The following SPNS3 variants were observed in gnomAD, a reference collection of about 807,000 sequenced individuals.
The protein encoded by SPNS3 is protein spinster homolog 3.
SPNS3 carries 51 observed loss-of-function variants against 54.4 expected under a neutral mutation model. That is an observed-to-expected ratio of 0.94 (90% CI 0.75 to 1.18). SPNS3 has a LOEUF of 1.18. Among genes scored for constraint, SPNS3 ranks in the 50% most tolerant of loss-of-function variants. The pLI, the probability that SPNS3 is intolerant of heterozygous loss-of-function variation, is 0.00. For synonymous variants in SPNS3, 309 were observed against 294.7 expected (o/e 1.05, Z -0.50); for missense variants, 669 against 677.4 (o/e 0.99, Z 0.14).
At chr17:4,449,823 G>A (rs1156970942) in intron 7 of SPNS3, among the ~76,000 whole-genome samples, 2 of 152,074 alleles carry the variant, frequency 1.3e-5, no homozygotes, top group East Asian at 3.9e-4. Flanking sequence ...GCTGGTTTTG[G>A]GATTTCACGT....
At chr17:4,434,505 T>TTATTTA (rs1014637932) in intron 1 of SPNS3, among the ~76,000 whole-genome samples, 1 of 151,132 alleles carries the variant, frequency 6.6e-6, no homozygotes, top group African/African-American at 2.4e-5. Flanking sequence ...ATTTATTTAT[T>TTATTTA]TTTTTTTTTG....
rs546830551 is a variant in SPNS3, at chr17:4,446,121, C to T, written c.476C>T (p.Thr159Ile). The T allele has an allele frequency of 6.2e-7, 1 of 1,613,648 alleles. No homozygotes were observed. Among genetic ancestry groups the T allele is most frequent in the African/African-American group, 1.3e-5 (1 of 75,036 alleles). ...GCCAGCTACTCCACCATCGCGCCCA[C>T]CGTCCTGGGCGACCTCTTCGTGAGG... ...GSASYSTIAP[T>I]VLGDLFVRDQ... The change falls in exon 4 of 12, where the codon ACC becomes ATC. Residue 159 changes from threonine (T) to isoleucine (I), a missense_variant. Thr to Ile is a moderately conservative substitution (Grantham distance 89). Transcript: ENST00000355530.
chr17:4,435,811 A>C (rs990277138), intron 1 of SPNS3, among the ~76,000 whole-genome samples: 3 of 152,160 alleles, frequency 2.0e-5, no homozygotes, highest in Admixed American at 2.0e-4. Flanking sequence ...TCACGCCTGT[A>C]ATCCCAGCTA....
intron 8 of SPNS3, among the ~76,000 whole-genome samples, chr17:4,475,413 T>C (rs1447652764): frequency 6.6e-6 from 1 of 152,106 alleles, no homozygotes; most frequent in Admixed American, 6.5e-5. Flanking sequence ...CCAGCGGCCA[T>C]GGGCAGGAGG....
In SPNS3 at chr17:4,458,566, C is replaced by T. The variant is rs539474733; in HGVS notation, c.1113+5361C>T. Among the ~76,000 whole-genome samples the T allele has an allele frequency of 1.1e-4, 8 of 75,940 alleles. 1 individual carries two copies. The highest frequency in any genetic ancestry group is 5.8e-4 in the Admixed American group (3 of 5,186). 49.8% of individuals were successfully genotyped at this position (75,940 alleles called of 152,430 possible). A position where few individuals can be genotyped will look rare whatever the true frequency, so the allele number is the denominator to read the frequency against. On this transcript the variant is annotated intron_variant, in intron 8 of 11. Coordinates refer to ENST00000355530, the MANE Select transcript of SPNS3 (RefSeq NM_182538.5). ...TTCCTTTCCTTCCTTTCTTCCTTCC[C>T]TCCTTTCTTTCTTCCTTCCCTCCTT...
At chr17:4,448,694 C>T (rs1298055789) in intron 6 of SPNS3, among the ~76,000 whole-genome samples, 1 of 152,226 alleles carries the variant, frequency 6.6e-6, no homozygotes, top group African/African-American at 2.4e-5. Flanking sequence ...CTCCAAGCCT[C>T]ATGGCGTGCA....
chr17:4,478,395 C>T (rs971283785), intron 8 of SPNS3, among the ~76,000 whole-genome samples, 177 bp from the exon 9 acceptor site: 3 of 152,162 alleles, frequency 2.0e-5, no homozygotes, highest in Admixed American at 6.5e-5. Context: ...GTCTACCTAC[C>T]GTCAAGGCTG....
At chr17:4,434,946 G>A (rs1235801383) in intron 1 of SPNS3, among the ~76,000 whole-genome samples, 1 of 151,832 alleles carries the variant, frequency 6.6e-6, no homozygotes, top group Non-Finnish European at 1.5e-5. Flanking sequence ...GGGACTACAG[G>A]CGCATACCAC....
chr17:4,448,167 C>G lies in SPNS3; in HGVS notation c.634C>G (p.Leu212Val). The change falls in exon 6 of 12, where the codon CTG (leucine) becomes GTG (valine). Residue 212 changes from leucine to valine, a missense_variant. Coordinates refer to ENST00000355530, the MANE Select transcript of SPNS3 (RefSeq NM_182538.5). ...WRWALRVMPCLEAVALILLIL... is the reference protein window; with the variant it reads ...WRWALRVMPCVEAVALILLIL... ...CTCCTGTCCCCAGGTCATGCCCTGC[C>G]TGGAGGCCGTGGCCTTGATCCTGCT... The G allele has an allele frequency of 6.3e-7, 1 of 1,594,462 alleles. No homozygotes were observed. The highest frequency in any genetic ancestry group is 8.5e-7 in the Non-Finnish European group (1 of 1,171,526).
At position 4,486,436 on chromosome 17, in the gene SPNS3, C is replaced by T. The variant is rs747755316; in HGVS notation, c.1303C>T (p.Arg435Cys). 18 of 1,608,564 alleles carry T rather than the reference C, an allele frequency of 1.1e-5. No individual in the cohort carries two copies. The highest frequency in any genetic ancestry group is 1.6e-4 in the Middle Eastern group (1 of 6,066). The change falls in exon 11 of 12, where the codon CGC becomes TGC. Residue 435 changes from arginine (R) to cysteine (C), a missense_variant. Physicochemically the swap from Arg to Cys is radical, Grantham distance 180. Transcript: ENST00000355530. The surrounding 1 kb of genome is among the most constrained non-coding windows in gnomAD (Gnocchi z 5.5). ...GATCTCTAGTGTCCTGCGGGCCAGG[C>T]GCCCTGACTCCTATCTGCAGCGCTT... ...GLISSVLRAR[R>C]PDSYLQRFRS...
intron 9 of SPNS3, among the ~76,000 whole-genome samples, chr17:4,481,552 G>A (rs535467840): frequency 7.9e-5 from 12 of 152,308 alleles, no homozygotes; most frequent in African/African-American, 2.9e-4. Flanking sequence ...GAAAATGGGT[G>A]GAAACTGCAG....
intron 8 of SPNS3, 68 bp downstream of exon 8, chr17:4,453,273 C>A: frequency 6.9e-7 from 1 of 1,442,712 alleles, no homozygotes; most frequent in Admixed American, 2.0e-5. Context: ...TCCACAGGCT[C>A]ATGCTGCGCC....
intron 8 of SPNS3, among the ~76,000 whole-genome samples, chr17:4,475,141 C>T (rs777493923): frequency 1.6e-4 from 25 of 152,012 alleles, no homozygotes; most frequent in Non-Finnish European, 2.6e-4. Context: ...TTTCCTAGCT[C>T]GAGGGGGAAA....
intron 8 of SPNS3, among the ~76,000 whole-genome samples, chr17:4,460,485 G>A (rs1243414869): frequency 6.8e-6 from 1 of 145,994 alleles, no homozygotes; most frequent in Non-Finnish European, 1.5e-5. Flanking sequence ...AGGCTGGAGT[G>A]CAGTGGCGTG....
chr17:4,439,932 C>A (rs115273039), intron 2 of SPNS3, among the ~76,000 whole-genome samples: 1 of 151,994 alleles, frequency 6.6e-6, no homozygotes, highest in East Asian at 1.9e-4. Context: ...TAGGGTGCCG[C>A]GGGAGAGCAG....
At chr17:4,439,819 C>G in intron 2 of SPNS3, 96 bp downstream of exon 2, 1 of 1,140,778 alleles carries the variant, frequency 8.8e-7, no homozygotes. Context: ...TCCAGCCCCA[C>G]TGGGTCCCCT....
At chr17:4,481,428 G>A (rs1972147933) in intron 9 of SPNS3, among the ~76,000 whole-genome samples, 1 of 152,058 alleles carries the variant, frequency 6.6e-6, no homozygotes, top group Non-Finnish European at 1.5e-5. Context: ...GGAGGGAGGA[G>A]GCCTTAGGGT....
At chr17:4,466,837 G>T (rs1971689063) in intron 8 of SPNS3, among the ~76,000 whole-genome samples, 1 of 152,166 alleles carries the variant, frequency 6.6e-6, no homozygotes, top group African/African-American at 2.4e-5. Context: ...GAGCAAGACT[G>T]CCTCTCAATA....
intron 6 of SPNS3, 105 bp downstream of exon 6, chr17:4,448,408 C>T (rs910086494): frequency 5.2e-6 from 6 of 1,153,010 alleles, no homozygotes; most frequent in Middle Eastern, 4.0e-4. Context: ...CCTGGTTGTC[C>T]CAGTGTTCAC....
Sources: allele counts gnomAD v4.1 joint callset (sites outside exome capture counted in the v4.1 genomes callset), GRCh38; gene constraint gnomAD v4.1.1; non-coding constraint Gnocchi (gnomAD v3.1); transcripts MANE v1.5; gene names NCBI Gene and HGNC (gene_info 2026-07-23, HGNC 2026-07-21).